Variants in ARB2A observed in about 807,000 individuals in gnomAD.
ARB2A encodes ARB2 cotranscriptional regulator A.
the ARB2A span, among the ~76,000 whole-genome samples, chr5:93,990,689 T>C: frequency 1.4e-5 from 2 of 141,258 alleles, no homozygotes; most frequent in African/African-American, 5.3e-5. Context: ...AGAGTCATAA[T>C]AGAGTTACTA....
the ARB2A span, among the ~76,000 whole-genome samples, chr5:93,961,761 A>G: frequency 6.6e-6 from 1 of 152,206 alleles, no homozygotes; most frequent in Admixed American, 6.5e-5. Flanking sequence ...GCTACAAATT[A>G]AGGTAGCCAT....
At chr5:93,770,841 G>A in the ARB2A span, among the ~76,000 whole-genome samples, 2 of 152,112 alleles carry the variant, frequency 1.3e-5, no homozygotes, top group African/African-American at 4.8e-5. Flanking sequence ...ATGCTCATGG[G>A]TAGGAAGAAT....
chr5:93,659,693 A>T, the ARB2A span, among the ~76,000 whole-genome samples: 1 of 152,142 alleles, frequency 6.6e-6, no homozygotes, highest in Non-Finnish European at 1.5e-5. Context: ...GCCAATAAAC[A>T]TTTATTGAGT....
At chr5:93,689,900 T>C in the ARB2A span, among the ~76,000 whole-genome samples, 1 of 152,024 alleles carries the variant, frequency 6.6e-6, no homozygotes, top group African/African-American at 2.4e-5. Flanking sequence ...GTGCAGCCTA[T>C]GGAGGGTGAG....
chr5:93,720,855 T>C, the ARB2A span, among the ~76,000 whole-genome samples: 1 of 152,196 alleles, frequency 6.6e-6, no homozygotes, highest in African/African-American at 2.4e-5. Context: ...TTGTTAAAAG[T>C]CAAATAAGTG....
the ARB2A span, among the ~76,000 whole-genome samples, chr5:93,981,152 T>C: frequency 6.6e-6 from 1 of 151,754 alleles, no homozygotes; most frequent in Non-Finnish European, 1.5e-5. Context: ...CACTGTAGCC[T>C]TGACCTCTGG....
the ARB2A span, among the ~76,000 whole-genome samples, chr5:93,818,755 A>G: frequency 6.6e-6 from 1 of 152,230 alleles, no homozygotes; most frequent in African/African-American, 2.4e-5. Context: ...AGCAACAAGG[A>G]GCCTATAAAA....
chr5:93,632,016 G>GA, the ARB2A span, among the ~76,000 whole-genome samples: 1 of 152,144 alleles, frequency 6.6e-6, no homozygotes, highest in Non-Finnish European at 1.5e-5. Flanking sequence ...GAATTCCTGT[G>GA]ATTGACTAAT....
At chr5:93,758,981 T>C in the ARB2A span, among the ~76,000 whole-genome samples, 1 of 151,382 alleles carries the variant, frequency 6.6e-6, no homozygotes, top group Non-Finnish European at 1.5e-5. Context: ...AAAAGATAAA[T>C]AAAATTGACA....
At chr5:93,647,787 G>A in the ARB2A span, among the ~76,000 whole-genome samples, 3 of 152,112 alleles carry the variant, frequency 2.0e-5, no homozygotes, top group Admixed American at 2.0e-4. Context: ...GTCTCCCAAA[G>A]TGCTGGGATC....
chr5:93,650,588 G>A, the ARB2A span, among the ~76,000 whole-genome samples: 1 of 151,734 alleles, frequency 6.6e-6, no homozygotes, highest in African/African-American at 2.4e-5. Flanking sequence ...AGAGAATAGG[G>A]GAGAAAAAAA....
At chr5:94,086,737 G>C in the ARB2A span, among the ~76,000 whole-genome samples, 3 of 152,104 alleles carry the variant, frequency 2.0e-5, no homozygotes, top group Non-Finnish European at 2.9e-5. Flanking sequence ...ATTTTTAGTA[G>C]AGACGGGGTT....
the ARB2A span, among the ~76,000 whole-genome samples, chr5:93,656,350 C>T: frequency 6.6e-6 from 1 of 152,122 alleles, no homozygotes; most frequent in South Asian, 2.1e-4. Context: ...TTCTAACCTG[C>T]TATAAGCCTG....
the ARB2A span, among the ~76,000 whole-genome samples, chr5:93,941,592 G>C: frequency 6.6e-6 from 1 of 152,094 alleles, no homozygotes; most frequent in African/African-American, 2.4e-5. Flanking sequence ...TAAGTCTCCA[G>C]AGTCACTTCT....
chr5:93,694,700 TA>T, the ARB2A span, among the ~76,000 whole-genome samples: 1 of 152,180 alleles, frequency 6.6e-6, no homozygotes, highest in African/African-American at 2.4e-5. Context: ...TTAAATTTCA[TA>T]TGGAACCAAA....
chr5:93,817,628 T>C, the ARB2A span, among the ~76,000 whole-genome samples: 1 of 152,136 alleles, frequency 6.6e-6, no homozygotes, highest in Non-Finnish European at 1.5e-5. Flanking sequence ...GACAGGCATA[T>C]ATATGGAATA....
chr5:93,995,869 A>G, the ARB2A span, among the ~76,000 whole-genome samples: 1 of 152,320 alleles, frequency 6.6e-6, no homozygotes, highest in Non-Finnish European at 1.5e-5. Context: ...AATCATCACA[A>G]ACAAAACAAA....
chr5:93,686,511 C>A, the ARB2A span, among the ~76,000 whole-genome samples: 11 of 152,158 alleles, frequency 7.2e-5, no homozygotes, highest in Admixed American at 7.2e-4. Context: ...AAAATAATTC[C>A]CTTTCTTACC....
At chr5:93,833,772 G>T in the ARB2A span, among the ~76,000 whole-genome samples, 1 of 152,142 alleles carries the variant, frequency 6.6e-6, no homozygotes, top group African/African-American at 2.4e-5. Flanking sequence ...AATTACTGAT[G>T]TCTTCTTAGG....
Sources: gnomAD v4.1 joint callset for allele counts (sites outside exome capture counted in the v4.1 genomes callset) on GRCh38, gnomAD v4.1.1 for gene constraint, MANE v1.5 for transcripts, NCBI Gene and HGNC (gene_info 2026-07-23, HGNC 2026-07-21) for gene names.